The following FBLN5 variants were observed in gnomAD, a reference collection of about 807,000 sequenced individuals.
The protein encoded by FBLN5 is fibulin-5.
In FBLN5, 24 loss-of-function variants were observed where a neutral mutation model predicts 61.6. The ratio of observed to expected loss-of-function variants is 0.39; its 90% CI spans 0.28 to 0.55. FBLN5 has a LOEUF of 0.55. Ranked by LOEUF, FBLN5 falls within the 20% of genes least tolerant of loss-of-function variation. FBLN5 has a pLI of 0.65. For synonymous variants in FBLN5, 213 were observed against 219.8 expected (o/e 0.97, Z 0.27); for missense variants, 470 against 594.1 (o/e 0.79, Z 2.17).
At position 91,901,685 on chromosome 14, in the gene FBLN5, C is replaced by T. The variant is rs897814715; in HGVS notation, c.380-6613G>A. 2.0e-5 allele frequency among the ~76,000 whole-genome samples: 3 copies of T among 152,186 alleles called. 1 individual carries two copies. The highest frequency in any genetic ancestry group is 4.1e-4 in the South Asian group (2 of 4,832). On this transcript the variant is annotated intron_variant, in intron 4 of 10. Coordinates refer to ENST00000342058, the MANE Select transcript of FBLN5 (RefSeq NM_006329.4). ...TTAAAGATCTCAGCGTTGGAGAACT[C>T]GCTGTCGAATTCCTAGGGCATCTGC...
chr14:91,925,814 G>A (rs375821363), intron 4 of FBLN5, among the ~76,000 whole-genome samples: 6 of 152,314 alleles, frequency 3.9e-5, no homozygotes, highest in East Asian at 1.9e-4. Flanking sequence ...GGTACCCAGC[G>A]TCTTGCTGGG....
chr14:91,940,952 A>T (rs59354603), intron 2 of FBLN5, among the ~76,000 whole-genome samples: 1,557 of 143,710 alleles, frequency 0.011, 31 homozygotes, highest in East Asian at 0.076. Flanking sequence ...AACTTTATTT[A>T]AAAAAAAACT....
At chr14:91,889,127 C>T (rs1889866718) in intron 6 of FBLN5, among the ~76,000 whole-genome samples, 1 of 152,202 alleles carries the variant, frequency 6.6e-6, no homozygotes. Context: ...TCTAGCAAGA[C>T]ACTGGCCCCC....
chr14:91,946,892 A>G (rs2140061784), intron 1 of FBLN5: 2 of 1,472,784 alleles, frequency 1.4e-6, no homozygotes, highest in East Asian at 5.0e-5. Context: ...TAAAAAATAC[A>G]TACAAAAATC....
At chr14:91,919,963 G>C (rs543864036) in intron 4 of FBLN5, among the ~76,000 whole-genome samples, 13 of 152,312 alleles carry the variant, frequency 8.5e-5, no homozygotes, top group Admixed American at 4.6e-4. Context: ...AGCTTCCAGA[G>C]GGAAGTAGAC....
chr14:91,942,600 T>C (rs910674129), intron 2 of FBLN5, among the ~76,000 whole-genome samples: 3 of 152,226 alleles, frequency 2.0e-5, no homozygotes, highest in Non-Finnish European at 4.4e-5. Flanking sequence ...CATTTACCTA[T>C]GTAACAAACC....
At chr14:91,914,963 C>A (rs1891125342) in intron 4 of FBLN5, among the ~76,000 whole-genome samples, 1 of 151,538 alleles carries the variant, frequency 6.6e-6, no homozygotes, top group Non-Finnish European at 1.5e-5. Context: ...AGTTTAAGAC[C>A]AGCCTGACCA....
At chr14:91,901,956 G>A (rs1890469214) in intron 4 of FBLN5, among the ~76,000 whole-genome samples, 1 of 152,240 alleles carries the variant, frequency 6.6e-6, no homozygotes, top group African/African-American at 2.4e-5. Flanking sequence ...TAAAGCGAGA[G>A]CTGGAGGAGA....
intron 4 of FBLN5, among the ~76,000 whole-genome samples, chr14:91,935,445 C>T (rs953535547): frequency 1.3e-5 from 2 of 152,242 alleles, no homozygotes; most frequent in African/African-American, 2.4e-5. Flanking sequence ...CCTCAAGACA[C>T]GTAAGGGCTG....
chr14:91,928,635 G>A (rs1273516139), intron 4 of FBLN5, among the ~76,000 whole-genome samples: 1 of 152,064 alleles, frequency 6.6e-6, no homozygotes, highest in Non-Finnish European at 1.5e-5. Flanking sequence ...AGCTGGGCAT[G>A]GTGGCATGTA....
rs868790706 is a variant in FBLN5 at position 91,915,679 on chromosome 14, T to A, written c.380-20607A>T. Among the ~76,000 whole-genome samples the A allele has an allele frequency of 2.8e-4, 23 of 80,866 alleles. 1 individual carries two copies. The South Asian group carries it at 0.011, about 40-fold the overall frequency. The allele number at this position is 80,866 out of a possible 152,430, so 53.1% of individuals were successfully genotyped here. A position where few individuals can be genotyped will look rare whatever the true frequency, so the allele number is the denominator to read the frequency against. On this transcript the variant is annotated intron_variant, in intron 4 of 10. Transcript: ENST00000342058. The stretch of plus-strand genomic sequence containing the variant: ...TCCAGCCTGGGCGACAGAGCAAGAC[T>A]CCATCTCAAAAAAAAAAAAAAAAAA...
At chr14:91,935,096 T>C (rs1481096116) in intron 4 of FBLN5, among the ~76,000 whole-genome samples, 1 of 152,216 alleles carries the variant, frequency 6.6e-6, no homozygotes, top group Non-Finnish European at 1.5e-5. Flanking sequence ...TCACTAGGGC[T>C]CCTAGATTGT....
chr14:91,896,187 C>A (rs542436882), intron 4 of FBLN5, among the ~76,000 whole-genome samples: 1 of 152,178 alleles, frequency 6.6e-6, no homozygotes, highest in East Asian at 1.9e-4. Flanking sequence ...TAGGGGAGAG[C>A]GCCCAAGATC....
intron 5 of FBLN5, 54 bp downstream of exon 5, chr14:91,894,896 C>T: frequency 1.3e-6 from 2 of 1,552,196 alleles, no homozygotes; most frequent in South Asian, 2.2e-5. Context: ...TCAAAATGCC[C>T]CTGGCAACCG....
At chr14:91,932,639 A>G (rs1014495214) in intron 4 of FBLN5, among the ~76,000 whole-genome samples, 8 of 152,252 alleles carry the variant, frequency 5.3e-5, no homozygotes, top group Admixed American at 1.3e-4. Flanking sequence ...CCTGCAAAAT[A>G]GCCTGCCCAA....
chr14:91,912,402 T>C (rs1384807427), intron 4 of FBLN5, among the ~76,000 whole-genome samples: 1 of 152,170 alleles, frequency 6.6e-6, no homozygotes, highest in African/African-American at 2.4e-5. Context: ...CTAGCATTTA[T>C]GGGAGACCGA....
intron 4 of FBLN5, among the ~76,000 whole-genome samples, chr14:91,912,318 G>A (rs559154870): frequency 9.9e-5 from 15 of 152,234 alleles, no homozygotes; most frequent in Middle Eastern, 3.4e-3. Flanking sequence ...GCAACATAGC[G>A]AGACCCTGTC....
At chr14:91,925,566 C>T (rs530551560) in intron 4 of FBLN5, among the ~76,000 whole-genome samples, 1 of 152,270 alleles carries the variant, frequency 6.6e-6, no homozygotes, top group Non-Finnish European at 1.5e-5. Flanking sequence ...AAGGAGCTGG[C>T]GCTGGCTGGT....
At chr14:91,907,726 G>A (rs987255222) in intron 4 of FBLN5, among the ~76,000 whole-genome samples, 8 of 152,226 alleles carry the variant, frequency 5.3e-5, no homozygotes, top group Admixed American at 4.6e-4. Context: ...AAAGAAAAGA[G>A]ATGGATGAAG....
Sources: gnomAD v4.1 joint callset for allele counts (sites outside exome capture counted in the v4.1 genomes callset) on GRCh38, gnomAD v4.1.1 for gene constraint, MANE v1.5 for transcripts, NCBI Gene and HGNC (gene_info 2026-07-23, HGNC 2026-07-21) for gene names.